CAB39: variants seen among roughly 807,000 people sequenced by gnomAD.
CAB39 encodes calcium binding protein 39, also known as calcium-binding protein 39.
Under a neutral mutation model 40.0 loss-of-function variants are expected in CAB39, and 8 were observed. That is an observed-to-expected ratio of 0.20 (90% CI 0.12 to 0.36). The LOEUF (loss-of-function observed/expected upper bound fraction) is 0.36. Among genes scored for constraint, CAB39 ranks in the 10% least tolerant of loss-of-function variants. The pLI, the probability that CAB39 is intolerant of heterozygous loss-of-function variation, is 1.00. For synonymous variants in CAB39, 156 were observed against 141.6 expected (o/e 1.10, Z -0.72); for missense variants, 270 against 401.1 (o/e 0.67, Z 2.79).
At chr2:230,737,100 G>A (rs1055591918) in intron 1 of CAB39, among the ~76,000 whole-genome samples, 4 of 152,118 alleles carry the variant, frequency 2.6e-5, no homozygotes, top group African/African-American at 9.7e-5. Flanking sequence ...TCAGAAACTA[G>A]TTCTGCACCC....
chr2:230,754,022 T>G (rs893569208), intron 1 of CAB39, among the ~76,000 whole-genome samples: 3 of 152,122 alleles, frequency 2.0e-5, no homozygotes, highest in Non-Finnish European at 4.4e-5. Flanking sequence ...ATAATCTGAC[T>G]TAGAAGTAGT....
intron 1 of CAB39, among the ~76,000 whole-genome samples, chr2:230,715,140 C>T (rs77563657): frequency 0.054 from 8,153 of 152,186 alleles, 751 homozygotes; most frequent in African/African-American, 0.18. Context: ...TACACACACA[C>T]ATCTCTTATT....
rs1160253213 is a variant in CAB39, at chr2:230,813,978, C to CTTTTTTTTTT, written c.628-46_628-37dup. The CTTTTTTTTTT allele has an allele frequency of 8.6e-4, 97 of 113,124 alleles. 15 individuals carry two copies. Among genetic ancestry groups the CTTTTTTTTTT allele is most frequent in the African/African-American group, 2.2e-3 (18 of 8,046 alleles). The allele number at this position is 113,124 out of a possible 1,614,324, so 7.0% of individuals were successfully genotyped here. A position where few individuals can be genotyped will look rare whatever the true frequency, so the allele number is the denominator to read the frequency against. On this transcript the variant is annotated intron_variant, in intron 6 of 8. Coordinates refer to ENST00000258418, the MANE Select transcript of CAB39 (RefSeq NM_016289.4). ...CTAATTTACAATGTTACCTACCAGT[C>CTTTTTTTTTT]TTTTTTTTTTTTTTTTTTTTTTTTT...
Position 230,817,747 on chromosome 2 carries a change from T to G in CAB39, c.694-7T>G. On this transcript the variant is annotated splice_polypyrimidine_tract_variant and splice_region_variant and intron_variant, in intron 7 of 8. Transcript: ENST00000258418. ...ATAACAAGGTAATTGTTTAAATGTCTTCTCAGCTTCTCGGTGAACTACTAC... is the reference window on the plus strand; with the variant it reads ...ATAACAAGGTAATTGTTTAAATGTCGTCTCAGCTTCTCGGTGAACTACTAC... 1 of 1,573,416 alleles carries G rather than the reference T, an allele frequency of 6.4e-7. No homozygotes were observed. The highest frequency in any genetic ancestry group is 1.2e-5 in the South Asian group (1 of 85,904).
At chr2:230,726,915 C>T (rs1694583020) in intron 1 of CAB39, among the ~76,000 whole-genome samples, 1 of 146,588 alleles carries the variant, frequency 6.8e-6, no homozygotes, top group South Asian at 2.2e-4. Context: ...AATCAGGGTG[C>T]TTAGCATACG....
rs76002303 is a variant in CAB39, at chr2:230,795,458, C to T, written c.398+2127C>T. Among the ~76,000 whole-genome samples the T allele has an allele frequency of 4.4e-4, 67 of 152,304 alleles. No individual in the cohort carries two copies. The East Asian group carries it at 0.011, about 24-fold the overall frequency. On this transcript the variant is annotated intron_variant, in intron 4 of 8. Coordinates refer to ENST00000258418, the MANE Select transcript of CAB39 (RefSeq NM_016289.4). ...CCTGTTGCTTCTGTAACATGTTCCA[C>T]TATCTGCTAGTGATTTAACTGGTAG...
intron 2 of CAB39, among the ~76,000 whole-genome samples, chr2:230,783,312 A>G (rs1270655880): frequency 1.3e-5 from 2 of 152,218 alleles, no homozygotes; most frequent in Admixed American, 6.5e-5. Context: ...TCAGTGCTGT[A>G]ACTCTTTGTT....
At chr2:230,718,808 G>A (rs907426989) in intron 1 of CAB39, among the ~76,000 whole-genome samples, 3 of 152,148 alleles carry the variant, frequency 2.0e-5, no homozygotes, top group Non-Finnish European at 2.9e-5. Flanking sequence ...GCAGAGTTTG[G>A]TTCACTTTGA....
At chr2:230,787,158 T>C (rs1432806148) in intron 2 of CAB39, among the ~76,000 whole-genome samples, 1 of 152,224 alleles carries the variant, frequency 6.6e-6, no homozygotes, top group Non-Finnish European at 1.5e-5. Context: ...AATAGTATAA[T>C]TTAATTTTAT....
At chr2:230,717,394 C>G (rs1333264192) in intron 1 of CAB39, among the ~76,000 whole-genome samples, 2 of 152,096 alleles carry the variant, frequency 1.3e-5, no homozygotes, top group Non-Finnish European at 2.9e-5. Context: ...TGTGAGAGTT[C>G]GTACGTTCTG....
intron 2 of CAB39, among the ~76,000 whole-genome samples, chr2:230,780,572 TTA>T (rs754234202): frequency 6.6e-6 from 1 of 152,228 alleles, no homozygotes; most frequent in Non-Finnish European, 1.5e-5. Context: ...GTCAGCTATT[TTA>T]TAGAGTGTCC....
chr2:230,753,195 G>A (rs576462811), intron 1 of CAB39, among the ~76,000 whole-genome samples: 1 of 152,208 alleles, frequency 6.6e-6, no homozygotes, highest in Non-Finnish European at 1.5e-5. Context: ...GCATGAATGC[G>A]AAAGGGGGAA....
At chr2:230,791,108 T>G in intron 3 of CAB39, 72 bp downstream of exon 3, 1 of 1,150,282 alleles carries the variant, frequency 8.7e-7, no homozygotes, top group Middle Eastern at 2.5e-4. Flanking sequence ...TTCTCTCTTT[T>G]GGAACATTGT....
intron 1 of CAB39, among the ~76,000 whole-genome samples, chr2:230,751,352 AT>A (rs1695082862): frequency 6.6e-6 from 1 of 152,218 alleles, no homozygotes. Flanking sequence ...ACACACCAGA[AT>A]GTTGTCTTGA....
intron 5 of CAB39, among the ~76,000 whole-genome samples, chr2:230,799,627 C>T (rs1443325794): frequency 6.6e-6 from 1 of 152,204 alleles, no homozygotes; most frequent in Admixed American, 6.5e-5. Flanking sequence ...TGAGAGCAAG[C>T]GTTTGTAGGT....
intron 2 of CAB39, among the ~76,000 whole-genome samples, chr2:230,780,791 A>G (rs1187525819): frequency 6.6e-6 from 1 of 152,204 alleles, no homozygotes; most frequent in Non-Finnish European, 1.5e-5. Context: ...GTCATTAATA[A>G]GTATCTTGGA....
At chr2:230,742,099 C>T (rs1483058245) in intron 1 of CAB39, among the ~76,000 whole-genome samples, 1 of 152,176 alleles carries the variant, frequency 6.6e-6, no homozygotes, top group Non-Finnish European at 1.5e-5. Context: ...CCAAGCCTAG[C>T]AGGAAATCCA....
Position 230,789,212 on chromosome 2 carries a change from G to A in CAB39, c.115-1660G>A, listed in dbSNP as rs573010326. ...AGACCTTGTAGTTTTATTTCTAAGT[G>A]TTTCATTCAGGTGTTTTTTTATGCC... On this transcript the variant is annotated intron_variant, in intron 2 of 8. Transcript: ENST00000258418. Among the ~76,000 whole-genome samples, 15 of 152,204 alleles carry A rather than the reference G, an allele frequency of 9.9e-5. 1 individual carries two copies. In the South Asian group the frequency reaches 3.1e-3, roughly 31 times the overall value.
chr2:230,812,892 A>C (rs1242017438), intron 6 of CAB39, among the ~76,000 whole-genome samples: 1 of 152,244 alleles, frequency 6.6e-6, no homozygotes, highest in African/African-American at 2.4e-5. Flanking sequence ...TCAGTAAACA[A>C]ACGAGCATGG....
Sources: gnomAD v4.1 joint callset for allele counts (sites outside exome capture counted in the v4.1 genomes callset) on GRCh38, gnomAD v4.1.1 for gene constraint, MANE v1.5 for transcripts, NCBI Gene and HGNC (gene_info 2026-07-23, HGNC 2026-07-21) for gene names.